The following INTS12 variants were observed in gnomAD, a reference collection of about 807,000 sequenced individuals.
INTS12 encodes integrator complex subunit 12.
INTS12 carries 13 observed loss-of-function variants against 41.6 expected under a neutral mutation model. The ratio of observed to expected loss-of-function variants is 0.31; its 90% confidence interval spans 0.20 to 0.50. The LOEUF (loss-of-function observed/expected upper bound fraction) is 0.50, where lower values mean the gene tolerates loss of function less well. Ranked by LOEUF, INTS12 falls within the 20% of genes least tolerant of loss-of-function variation. The probability of loss-of-function intolerance (pLI) is 0.98; values close to 1 mark genes in which losing one functional copy is unlikely to be tolerated. For missense variants in INTS12, 432 were observed against 541.6 expected, an observed-to-expected ratio of 0.80 and a Z score of 2.01; for synonymous variants, 199 against 191.4, an observed-to-expected ratio of 1.04 and a Z score of -0.33.
intron 7 of INTS12, 95 bp downstream of exon 7, chr4:105,686,597 T>C: frequency 1.2e-6 from 1 of 861,948 alleles, no homozygotes; most frequent in South Asian, 1.8e-5. Context: ...CCATTTAGTA[T>C]ATAAAGTTTC....
At chr4:105,696,982 A>G in intron 3 of INTS12, among the ~76,000 whole-genome samples, 1 of 152,258 alleles carries the variant, frequency 6.6e-6, no homozygotes, top group Non-Finnish European at 1.5e-5. Context: ...TTCATATGGC[A>G]TACATATATC....
intron 1 of INTS12, chr4:105,707,970 G>A (rs1053365079): frequency 9.1e-6 from 9 of 985,410 alleles, no homozygotes; most frequent in Non-Finnish European, 1.1e-5. Flanking sequence ...TGCCCCAGAT[G>A]AAGGAAACAG....
intron 7 of INTS12, among the ~76,000 whole-genome samples, chr4:105,686,409 G>T (rs1578379736): frequency 1.3e-5 from 2 of 152,218 alleles, no homozygotes; most frequent in Admixed American, 1.3e-4. Context: ...CCAGATTTCT[G>T]ATTGAAGACA....
At position 105,685,694 on chromosome 4, in the gene INTS12, T is replaced by G. The variant is rs59677702; in HGVS notation, c.804+998A>C. On this transcript the variant is annotated intron_variant, in intron 7 of 7. Transcript: ENST00000340139. ...TTAATATTTTTTCTTCCATATTTAG[T>G]GCTATGCTTAATATTGGAATGTGTA... is the stretch of plus-strand genomic sequence containing the variant. 2.6e-4 allele frequency among the ~76,000 whole-genome samples: 40 copies of G among 152,212 alleles called. 1 individual carries two copies. The East Asian group carries it at 7.5e-3, about 29-fold the overall frequency.
intron 3 of INTS12, among the ~76,000 whole-genome samples, chr4:105,697,883 C>T (rs1731924191): frequency 1.3e-5 from 2 of 151,974 alleles, no homozygotes; most frequent in South Asian, 4.2e-4. Context: ...AATGCTGTCT[C>T]CACAAAATAT....
At chr4:105,683,420 T>A (rs1305043829) in intron 7 of INTS12, 103 bp from the exon 8 acceptor site, 1 of 842,366 alleles carries the variant, frequency 1.2e-6, no homozygotes, top group Non-Finnish European at 1.8e-6. Flanking sequence ...ACCACCAAAT[T>A]AGGTTCTTAT....
intron 3 of INTS12, among the ~76,000 whole-genome samples, chr4:105,699,570 G>A (rs1028663263): frequency 4.6e-5 from 7 of 152,022 alleles, no homozygotes; most frequent in African/African-American, 1.7e-4. Flanking sequence ...AAAAAATTCT[G>A]ATCACAAAGA....
chr4:105,700,581 A>G (rs1224494573), intron 2 of INTS12, among the ~76,000 whole-genome samples: 8 of 151,276 alleles, frequency 5.3e-5, no homozygotes, highest in Non-Finnish European at 1.2e-4. Context: ...CTCTGCCCCA[A>G]CCCTAAATGT....
intron 6 of INTS12, among the ~76,000 whole-genome samples, chr4:105,691,477 T>G (rs1490431032): frequency 6.6e-6 from 1 of 152,194 alleles, no homozygotes; most frequent in East Asian, 1.9e-4. Context: ...AATGGTCACT[T>G]GAGGACAATG....
intron 2 of INTS12, among the ~76,000 whole-genome samples, chr4:105,703,181 T>C (rs1732144057): frequency 6.6e-6 from 1 of 152,182 alleles, no homozygotes; most frequent in Non-Finnish European, 1.5e-5. Flanking sequence ...AACAAAGTCC[T>C]GTGTGTGTGT....
intron 6 of INTS12, among the ~76,000 whole-genome samples, chr4:105,687,405 A>T (rs933082337): frequency 6.6e-6 from 1 of 152,148 alleles, no homozygotes. Context: ...AATAAATACA[A>T]ATTTCTATGT....
intron 5 of INTS12, among the ~76,000 whole-genome samples, chr4:105,692,496 A>G (rs1731726534): frequency 6.6e-6 from 1 of 151,480 alleles, no homozygotes; most frequent in African/African-American, 2.4e-5. Context: ...AAAAAAAAAA[A>G]AAAAAAAAAA....
chr4:105,699,040 A>C lies in INTS12; in HGVS notation c.156+810T>G, dbSNP rs142510677. Among the ~76,000 whole-genome samples, 144 of 152,336 alleles carry C rather than the reference A, an allele frequency of 9.5e-4. 2 individuals carry two copies. The East Asian group carries it at 0.024, about 25-fold the overall frequency. ...CTATTATGTACCAGGCAGGTACTAC[A>C]CTAGGTAACTCATTTACTGGATCTC... On this transcript the variant is annotated intron_variant, in intron 3 of 7. Transcript: ENST00000340139.
At chr4:105,687,320 T>C (rs1421503751) in intron 6 of INTS12, among the ~76,000 whole-genome samples, 1 of 152,148 alleles carries the variant, frequency 6.6e-6, no homozygotes, top group Non-Finnish European at 1.5e-5. Flanking sequence ...AGAAAAAAAC[T>C]ATTGATAAAT....
At chr4:105,703,085 T>G in intron 2 of INTS12, 1 of 898,938 alleles carries the variant, frequency 1.1e-6, no homozygotes, top group African/African-American at 1.8e-5. Context: ...ATACAATTCC[T>G]TTCCTGTATA....
At chr4:105,684,003 T>C (rs1731417340) in intron 7 of INTS12, among the ~76,000 whole-genome samples, 1 of 152,186 alleles carries the variant, frequency 6.6e-6, no homozygotes, top group African/African-American at 2.4e-5. Context: ...ATGATTCCGG[T>C]TAAACTATCA....
At chr4:105,692,887 G>A (rs920659844) in intron 5 of INTS12, among the ~76,000 whole-genome samples, 38 of 152,160 alleles carry the variant, frequency 2.5e-4, no homozygotes, top group African/African-American at 8.7e-4. Context: ...ACATTACTGT[G>A]CACACATAGG....
At chr4:105,690,307 A>G (rs1019772271) in intron 6 of INTS12, among the ~76,000 whole-genome samples, 11 of 152,236 alleles carry the variant, frequency 7.2e-5, no homozygotes, top group Non-Finnish European at 1.5e-4. Flanking sequence ...CTGGGCATAT[A>G]TAAGTAGGTA....
At chr4:105,692,549 GA>G (rs901661515) in intron 5 of INTS12, among the ~76,000 whole-genome samples, 1 of 133,618 alleles carries the variant, frequency 7.5e-6, no homozygotes, top group Non-Finnish European at 1.6e-5. Context: ...ATATTAAAAA[GA>G]AAAAAAATCC....
Sources: gnomAD v4.1 joint callset for allele counts (sites outside exome capture counted in the v4.1 genomes callset) on GRCh38, gnomAD v4.1.1 for gene constraint, MANE v1.5 for transcripts, NCBI Gene and HGNC (gene_info 2026-07-23, HGNC 2026-07-21) for gene names.